The following NRG1 variants were observed in gnomAD, a reference collection of about 807,000 sequenced individuals.
NRG1 encodes the protein neuregulin 1, also known as pro-neuregulin-1, membrane-bound isoform.
A neutral mutation model predicts 63.8 loss-of-function variants in NRG1; 18 were observed. The ratio of observed to expected loss-of-function variants is 0.28; its 90% CI spans 0.19 to 0.42. NRG1 has a LOEUF of 0.42. Among genes scored for constraint, NRG1 ranks in the 10% least tolerant of loss-of-function variants. The pLI is 1.00. For synonymous variants in NRG1, 302 were observed against 301.3 expected (o/e 1.00, Z -0.02); for missense variants, 762 against 814.7 (o/e 0.94, Z 0.79).
chr8:32,202,056 G>A (rs59371661), intron 1 of NRG1, among the ~76,000 whole-genome samples: 1 of 152,296 alleles, frequency 6.6e-6, no homozygotes, highest in African/African-American at 2.4e-5. Flanking sequence ...TCTCATGGTT[G>A]TGGTCTGCAT....
At position 32,634,100 on chromosome 8, in the gene NRG1, A is replaced by T. The variant is rs1464974271; in HGVS notation, c.502+17215A>T. Among the ~76,000 whole-genome samples the T allele has an allele frequency of 4.6e-5, 5 of 109,150 alleles. No individual in the cohort carries two copies. The Admixed American group carries it at 4.7e-4, about 10-fold the overall frequency. The allele number at this position is 109,150 out of a possible 152,430, so 71.6% of individuals were successfully genotyped here. A position where few individuals can be genotyped will look rare whatever the true frequency, so the allele number is the denominator to read the frequency against. On this transcript the variant is annotated intron_variant, in intron 5 of 11. Coordinates refer to ENST00000356819, the Ensembl canonical transcript of NRG1. ...TTGAGGCTGAGCAAGATCTTGTCTT[A>T]AAAAAAAAAAAAAAAAAAGGTTGCA... is the stretch of plus-strand genomic sequence containing the variant.
chr8:32,057,946 G>A (rs1313805216), intron 1 of NRG1, among the ~76,000 whole-genome samples: 8 of 151,948 alleles, frequency 5.3e-5, no homozygotes, highest in Non-Finnish European at 1.0e-4. Flanking sequence ...GGTGACTGTC[G>A]TTTACAATAA....
At chr8:32,067,318 C>T (rs974667666) in intron 1 of NRG1, among the ~76,000 whole-genome samples, 3 of 152,052 alleles carry the variant, frequency 2.0e-5, no homozygotes, top group Admixed American at 6.5e-5. Context: ...TGATATTGGC[C>T]GTGGATTTGT....
chr8:32,770,387 T>C (rs1831706084), downstream of NRG1, among the ~76,000 whole-genome samples: 1 of 152,210 alleles, frequency 6.6e-6, no homozygotes, highest in Non-Finnish European at 1.5e-5. Context: ...CTGACACTTG[T>C]ACCCAGGTTT....
At chr8:31,766,176 AG>A (rs1280223284) in intron 1 of NRG1, among the ~76,000 whole-genome samples, 1 of 152,136 alleles carries the variant, frequency 6.6e-6, no homozygotes, top group East Asian at 1.9e-4. Flanking sequence ...TACCAGTAAT[AG>A]TAAGAAAGCT....
chr8:32,520,746 T>A (rs1365817855), intron 1 of NRG1, among the ~76,000 whole-genome samples: 1 of 152,210 alleles, frequency 6.6e-6, no homozygotes, highest in East Asian at 1.9e-4. Context: ...TCTGAAAATA[T>A]TAGATAAAAA....
intron 1 of NRG1, among the ~76,000 whole-genome samples, chr8:31,883,675 T>C (rs1457119708): frequency 6.6e-6 from 1 of 152,120 alleles, no homozygotes; most frequent in Non-Finnish European, 1.5e-5. Flanking sequence ...TGAAATGAAA[T>C]GTTCTTAGAT....
At chr8:32,222,036 C>T (rs7002024) in intron 1 of NRG1, among the ~76,000 whole-genome samples, 11,928 of 28,574 alleles carry the variant, frequency 0.42, 1,445 homozygotes, top group African/African-American at 0.55. Context: ...AACATACATA[C>T]ACACACACAC....
intron 1 of NRG1, among the ~76,000 whole-genome samples, chr8:32,201,352 G>A (rs191649968): frequency 7.2e-5 from 11 of 152,240 alleles, no homozygotes; most frequent in Non-Finnish European, 1.5e-5. Flanking sequence ...TCTCACAATA[G>A]GTGCCGGACT....
At chr8:32,348,620 AGT>A (rs1449038887) in intron 1 of NRG1, among the ~76,000 whole-genome samples, 14 of 151,946 alleles carry the variant, frequency 9.2e-5, no homozygotes, top group Admixed American at 7.2e-4. Flanking sequence ...TCAATTGTAT[AGT>A]GTTTTGACAT....
At chr8:32,099,349 T>C (rs1295977323) in intron 1 of NRG1, 1 of 152,446 alleles carries the variant, frequency 6.6e-6, no homozygotes, top group African/African-American at 2.4e-5. Flanking sequence ...CTGCTTTTTC[T>C]TTTTGGTTTC....
chr8:32,221,113 T>A (rs898244617), intron 1 of NRG1: 3 of 152,202 alleles, frequency 2.0e-5, no homozygotes, highest in Non-Finnish European at 2.9e-5. Context: ...ATGATTTTTT[T>A]AGCTACTTTA....
intron 5 of NRG1, among the ~76,000 whole-genome samples, chr8:32,634,633 C>T (rs1362436770): frequency 6.6e-6 from 1 of 152,152 alleles, no homozygotes. Flanking sequence ...TGTATGTGAA[C>T]ATGTATATTC....
chr8:31,760,797 A>G (rs4733273), intron 1 of NRG1, among the ~76,000 whole-genome samples: 31,148 of 152,080 alleles, frequency 0.2, 4,318 homozygotes, highest in East Asian at 0.64. Context: ...AAAAGTCAGG[A>G]AAGAACAGGT....
intron 1 of NRG1, among the ~76,000 whole-genome samples, chr8:31,910,438 A>G (rs994678802): frequency 6.6e-6 from 1 of 152,200 alleles, no homozygotes; most frequent in Non-Finnish European, 1.5e-5. Context: ...AGTTTATCTG[A>G]CATCTGTTTT....
At chr8:31,823,746 G>A (rs572614511) in intron 1 of NRG1, among the ~76,000 whole-genome samples, 1 of 152,178 alleles carries the variant, frequency 6.6e-6, no homozygotes, top group African/African-American at 2.4e-5. Context: ...GGAAAGAAAA[G>A]TAACTTTGAT....
intron 1 of NRG1, among the ~76,000 whole-genome samples, chr8:31,650,892 C>T (rs1283460816): frequency 6.6e-6 from 1 of 152,136 alleles, no homozygotes; most frequent in African/African-American, 2.4e-5. Context: ...GATTGTGGGT[C>T]GCTGACTTTA....
intron 1 of NRG1, among the ~76,000 whole-genome samples, chr8:31,744,830 C>T (rs1047579133): frequency 8.5e-5 from 13 of 152,050 alleles, no homozygotes; most frequent in South Asian, 4.1e-4. Flanking sequence ...AAACAAAATA[C>T]AGAATTGTGC....
intron 1 of NRG1, among the ~76,000 whole-genome samples, chr8:31,708,692 G>T (rs569339180): frequency 1.3e-5 from 2 of 151,900 alleles, no homozygotes; most frequent in African/African-American, 4.8e-5. Context: ...TGATCCGCCC[G>T]CCTCGGCCTC....
Sources: allele counts gnomAD v4.1 joint callset (sites outside exome capture counted in the v4.1 genomes callset), GRCh38; gene constraint gnomAD v4.1.1; transcripts MANE v1.5; gene names NCBI Gene and HGNC (gene_info 2026-07-23, HGNC 2026-07-21).